Variants in YTHDC2 observed in about 807,000 individuals in gnomAD.
YTHDC2 encodes the protein YTH N6-methyladenosine RNA binding protein C2.
A neutral mutation model predicts 174.9 loss-of-function variants in YTHDC2; 45 were observed. The observed-to-expected ratio is 0.26, with a 90% CI of 0.20 to 0.33. YTHDC2 has a LOEUF of 0.33. Among genes scored for constraint, YTHDC2 ranks in the 10% least tolerant of loss-of-function variants. The pLI is 1.00. For synonymous variants in YTHDC2, 657 were observed against 574.5 expected (o/e 1.14, Z -2.05); for missense variants, 1,650 against 1,723.7 (o/e 0.96, Z 0.76).
intron 12 of YTHDC2, among the ~76,000 whole-genome samples, chr5:113,550,950 T>C (rs1210161891): frequency 6.6e-6 from 1 of 152,070 alleles, no homozygotes; most frequent in Non-Finnish European, 1.5e-5. Flanking sequence ...ATTGAAAGCT[T>C]CTGTTTTCAA....
At position 113,553,696 on chromosome 5, in the gene YTHDC2, A is replaced by G. The variant is rs762393719; in HGVS notation, c.1964+10A>G. The G allele has an allele frequency of 3.1e-6, 5 of 1,613,310 alleles. No individual in the cohort carries two copies. The highest frequency in any genetic ancestry group is 2.2e-5 in the East Asian group (1 of 44,850). ...CTGACAGTACACATAGGTAAGGGCT[A>G]AAGCCTTATATCTGTTGCTTAAAAT... On this transcript the variant is annotated intron_variant, in intron 14 of 29. Transcript: ENST00000161863.
chr5:113,560,109 G>A (rs539740530), intron 17 of YTHDC2, among the ~76,000 whole-genome samples: 1 of 152,206 alleles, frequency 6.6e-6, no homozygotes, highest in African/African-American at 2.4e-5. Context: ...ATCAAACAAG[G>A]GCAATTTTAT....
intron 22 of YTHDC2, 68 bp from the exon 23 acceptor site, chr5:113,567,586 T>G: frequency 7.6e-7 from 1 of 1,323,472 alleles, no homozygotes; most frequent in East Asian, 2.6e-5. Flanking sequence ...CTTTACATTT[T>G]AAAAGTATTT....
Position 113,553,264 on chromosome 5 carries a change from T to C in YTHDC2, c.1772T>C (p.Leu591Pro). 1.2e-6 allele frequency: 2 copies of C among 1,608,648 alleles called. No individual in the cohort carries two copies. The highest frequency in any genetic ancestry group is 1.7e-6 in the Non-Finnish European group (2 of 1,177,664). The change falls in exon 13 of 30, where the codon CTC becomes CCC. Residue 591 changes from leucine (L) to proline (P), a missense_variant. Coordinates refer to ENST00000161863, the MANE Select transcript of YTHDC2 (RefSeq NM_022828.5). Reference sequence around the variant, plus strand: ...GACCTCAGTGCTGAAGACAGAGAGCTCCTGAAAGCTTATCATCATAGTTTC... The same window carrying C: ...GACCTCAGTGCTGAAGACAGAGAGCCCCTGAAAGCTTATCATCATAGTTTC... The part of the protein sequence containing the change: ...GSDLSAEDRE[L>P]LKAYHHSFDD...
intron 10 of YTHDC2, among the ~76,000 whole-genome samples, chr5:113,546,158 T>G (rs553213443): frequency 6.6e-6 from 1 of 152,260 alleles, no homozygotes; most frequent in South Asian, 2.1e-4. Flanking sequence ...CTGAAGAGTT[T>G]AGCAATCTTA....
chr5:113,591,846 T>C lies in YTHDC2; in HGVS notation c.4030-150T>C, dbSNP rs973554637. 7.3e-6 allele frequency: 4 copies of C among 549,338 alleles called. No homozygotes were observed. In the African/African-American group the frequency reaches 7.8e-5, roughly 11 times the overall value. The allele number at this position is 549,338 out of a possible 1,614,324, so 34.0% of individuals were successfully genotyped here. ...AGAGAGCTTTTAATGAAAAATTTAG[T>C]AGCTTATTTTTTGTTTTTGTTAGGT... On this transcript the variant is annotated intron_variant, in intron 27 of 29. Transcript: ENST00000161863.
rs1776413576 is a variant in YTHDC2 at position 113,553,652 on chromosome 5, T to G, written c.1930T>G (p.Phe644Val). 1.2e-6 allele frequency: 2 copies of G among 1,613,596 alleles called. No individual in the cohort carries two copies. The highest frequency in any genetic ancestry group is 1.7e-6 in the Non-Finnish European group (2 of 1,179,614). ...TGTTGGACTGAGAGATCGCATCCTG[T>G]TTGATGACAAGCGGTTTGCTGACAG... is the stretch of plus-strand genomic sequence containing the variant. ...EIVGLRDRIL[F>V]DDKRFADSTH... Residue 644 changes from phenylalanine to valine, a missense_variant, in exon 14 of 30, where the codon TTT becomes GTT. By Grantham distance (50) the Phe-to-Val change is conservative (BLOSUM62 -1). Around this residue, in one of 5 missense-constraint regions of YTHDC2, gnomAD observed 17 missense variants for 37.3 expected, o/e 0.46. Coordinates refer to ENST00000161863, the MANE Select transcript of YTHDC2 (RefSeq NM_022828.5).
At chr5:113,534,227 C>T (rs559196843) in intron 5 of YTHDC2, 78 bp from the exon 6 acceptor site, 24 of 1,048,672 alleles carry the variant, frequency 2.3e-5, no homozygotes, top group Non-Finnish European at 3.2e-5. Context: ...GTGTACGAGG[C>T]CAGCATTTAA....
intron 8 of YTHDC2, among the ~76,000 whole-genome samples, chr5:113,539,584 T>C (rs908894906): frequency 6.6e-6 from 1 of 152,266 alleles, no homozygotes; most frequent in African/African-American, 2.4e-5. Context: ...CAAATCTTGA[T>C]GATGTTACAG....
chr5:113,589,201 C>T (rs1018722659), intron 26 of YTHDC2, among the ~76,000 whole-genome samples: 1 of 151,608 alleles, frequency 6.6e-6, no homozygotes, highest in Non-Finnish European at 1.5e-5. Context: ...AAGACCATCT[C>T]ATATGGTTCC....
At chr5:113,542,802 C>T (rs909222515) in intron 10 of YTHDC2, among the ~76,000 whole-genome samples, 6 of 152,072 alleles carry the variant, frequency 3.9e-5, no homozygotes, top group Non-Finnish European at 7.4e-5. Context: ...TGTATATACT[C>T]TTGTCTTTCC....
In YTHDC2 at chr5:113,566,481, A is replaced by G. The variant is rs559455647; in HGVS notation, c.2842+462A>G. ...TTTTTTTTTTGAAGAGGATGCTAGT[A>G]TTGCTATTACCTTTTAGAATTGCCT... On this transcript the variant is annotated intron_variant, in intron 21 of 29. Coordinates refer to ENST00000161863, the MANE Select transcript of YTHDC2 (RefSeq NM_022828.5). 4.0e-4 allele frequency among the ~76,000 whole-genome samples: 51 copies of G among 127,510 alleles called. 1 individual carries two copies. The highest frequency in any genetic ancestry group is 5.1e-4 in the Non-Finnish European group (32 of 62,306). The allele number at this position is 127,510 out of a possible 152,430, so 83.7% of individuals were successfully genotyped here.
intron 17 of YTHDC2, among the ~76,000 whole-genome samples, chr5:113,556,861 A>G (rs567744309): frequency 2.1e-4 from 32 of 152,340 alleles, no homozygotes; most frequent in Non-Finnish European, 3.5e-4. Flanking sequence ...ATTGTTTATA[A>G]TAATGTAAAG....
chr5:113,532,836 A>G, intron 4 of YTHDC2, 43 bp from the exon 5 acceptor site: 1 of 1,551,448 alleles, frequency 6.4e-7, no homozygotes, highest in Non-Finnish European at 8.8e-7. Context: ...TTTTTGTATT[A>G]TGTGATCATG....
chr5:113,584,217 C>T (rs533928962), intron 25 of YTHDC2, 85 bp from the exon 26 acceptor site: 1 of 1,175,986 alleles, frequency 8.5e-7, no homozygotes, highest in African/African-American at 1.5e-5. Flanking sequence ...ATGGCATCTG[C>T]TTTGTATTAT....
chr5:113,551,456 A>G (rs1272776302), intron 12 of YTHDC2, among the ~76,000 whole-genome samples: 1 of 152,176 alleles, frequency 6.6e-6, no homozygotes, highest in Non-Finnish European at 1.5e-5. Context: ...CAAAAGTTAT[A>G]GCTTTAAACA....
At chr5:113,566,537 A>G (rs1314144722) in intron 21 of YTHDC2, among the ~76,000 whole-genome samples, 4 of 146,258 alleles carry the variant, frequency 2.7e-5, no homozygotes, top group African/African-American at 1.0e-4. Context: ...TTGATGTGGT[A>G]GTCAGAAGAA....
intron 12 of YTHDC2, among the ~76,000 whole-genome samples, chr5:113,550,205 A>G (rs2112658958): frequency 6.6e-6 from 1 of 151,912 alleles, no homozygotes; most frequent in South Asian, 2.1e-4. Flanking sequence ...GATTGTTTTG[A>G]TGACACCTGT....
rs1245271291 is a variant in YTHDC2 at position 113,581,540 on chromosome 5, T to A, written c.3478T>A (p.Leu1160Ile). The change falls in exon 25 of 30, where the codon TTA becomes ATA. Residue 1160 changes from leucine to isoleucine, a missense_variant. Transcript: ENST00000161863. ...EATIRAIIAV[L>I]STEEQSAGLQ... Reference sequence around the variant, plus strand: ...TACCATAAGAGCAATTATAGCTGTTTTAAGCACTGAAGAACAGTCTGCAGG... The same window carrying A: ...TACCATAAGAGCAATTATAGCTGTTATAAGCACTGAAGAACAGTCTGCAGG... 1 of 1,614,044 alleles carries A rather than the reference T, an allele frequency of 6.2e-7. No individual in the cohort carries two copies. The highest frequency in any genetic ancestry group is 8.5e-7 in the Non-Finnish European group (1 of 1,179,904).
Sources: allele counts gnomAD v4.1 joint callset (sites outside exome capture counted in the v4.1 genomes callset), GRCh38; gene constraint gnomAD v4.1.1; regional missense constraint gnomAD v4.1.1; transcripts MANE v1.5; gene names NCBI Gene and HGNC (gene_info 2026-07-23, HGNC 2026-07-21).